Variants in OLFML1 observed in about 807,000 individuals in gnomAD.
OLFML1 encodes the protein olfactomedin-like protein 1.
OLFML1 carries 33 observed loss-of-function variants against 37.3 expected under a neutral mutation model. The ratio of observed to expected loss-of-function variants is 0.88; its 90% confidence interval spans 0.67 to 1.18. The LOEUF (loss-of-function observed/expected upper bound fraction) is 1.18. Ranked by LOEUF, OLFML1 falls within the 50% of genes most tolerant of loss-of-function variation. The pLI, the probability that OLFML1 is intolerant of heterozygous loss-of-function variation, is 0.00. For missense variants in OLFML1, 545 were observed against 483.7 expected, an observed-to-expected ratio of 1.13 and a Z score of -1.19; for synonymous variants, 186 against 181.3, an observed-to-expected ratio of 1.03 and a Z score of -0.21.
Position 7,510,278 on chromosome 11 carries a change from T to G in OLFML1, c.*90T>G. The G allele has an allele frequency of 1.0e-6, 1 of 1,000,160 alleles. No homozygotes were observed. Among genetic ancestry groups the G allele is most frequent in the Non-Finnish European group, 1.4e-6 (1 of 694,834 alleles). The allele number at this position is 1,000,160 out of a possible 1,614,324, so 62.0% of individuals were successfully genotyped here. On this transcript the variant is annotated 3_prime_UTR_variant, in exon 3 of 3. Coordinates refer to ENST00000329293, the MANE Select transcript of OLFML1 (RefSeq NM_198474.4). ...TAGCCCCTTCACAATATAGTATCCCTCTAATCACACACAGGAAGAGTGTGT... is the reference window on the plus strand; with the variant it reads ...TAGCCCCTTCACAATATAGTATCCCGCTAATCACACACAGGAAGAGTGTGT...
At chr11:7,502,989 G>A (rs1052252516) in intron 2 of OLFML1, among the ~76,000 whole-genome samples, 1 of 152,214 alleles carries the variant, frequency 6.6e-6, no homozygotes, top group African/African-American at 2.4e-5. Context: ...GGATTTCTAA[G>A]TAAGAAACTT....
chr11:7,495,671 C>G (rs1848653620), intron 2 of OLFML1, among the ~76,000 whole-genome samples: 1 of 152,148 alleles, frequency 6.6e-6, no homozygotes, highest in African/African-American at 2.4e-5. Context: ...AGTAGAGAAT[C>G]AATCTTTTCT....
At chr11:7,499,476 G>C (rs1848696775) in intron 2 of OLFML1, among the ~76,000 whole-genome samples, 1 of 152,168 alleles carries the variant, frequency 6.6e-6, no homozygotes, top group Non-Finnish European at 1.5e-5. Context: ...AACTCCAAAA[G>C]AAAAGGAATT....
chr11:7,509,672 A>G lies in OLFML1; in HGVS notation c.693A>G (p.Ala231=), dbSNP rs1848830374. The change falls in exon 3 of 3, where the codon GCA becomes GCG. Residue 231 remains alanine, a synonymous_variant. Transcript: ENST00000329293. The stretch of plus-strand genomic sequence containing the variant: ...GTTTTCTATTTTTTCATAACCAAGC[A>G]ACTTCTAATGAGATAATCAAATATA... The part of the protein sequence containing the change: ...YKGFLFFHNQ[A]TSNEIIKYNL... 1.9e-6 allele frequency: 3 copies of G among 1,614,250 alleles called. No homozygotes were observed. The highest frequency in any genetic ancestry group is 2.5e-6 in the Non-Finnish European group (3 of 1,180,050).
In OLFML1 at chr11:7,485,752, A is replaced by C; in HGVS notation, c.-124A>C. ...AAGCGGACTTTGCTCTCTGCTGTGC[A>C]AAACGCTGTTTTTAGAGGATTTGCC... On this transcript the variant is annotated 5_prime_UTR_variant, in exon 1 of 3. Transcript: ENST00000329293. 9.8e-7 allele frequency: 1 copy of C among 1,019,442 alleles called. No individual in the cohort carries two copies. The highest frequency in any genetic ancestry group is 1.6e-5 in the South Asian group (1 of 63,978). The allele number at this position is 1,019,442 out of a possible 1,614,324, so 63.1% of individuals were successfully genotyped here. A position where few individuals can be genotyped will look rare whatever the true frequency, so the allele number is the denominator to read the frequency against.
Position 7,509,656 on chromosome 11 carries a change from T to G in OLFML1, c.677T>G (p.Phe226Cys). Residue 226 changes from phenylalanine to cysteine, a missense_variant, in exon 3 of 3, where the codon TTT (phenylalanine) becomes TGT (cysteine). By Grantham distance (205) the Phe-to-Cys change is radical (BLOSUM62 -2). Transcript: ENST00000329293. ...CAAGTGATCTACAAAGGTTTTCTATTTTTTCATAACCAAGCAACTTCTAAT... is the reference window on the plus strand; with the variant it reads ...CAAGTGATCTACAAAGGTTTTCTATGTTTTCATAACCAAGCAACTTCTAAT... ...TGQVIYKGFLFFHNQATSNEI... is the reference protein window; with the variant it reads ...TGQVIYKGFLCFHNQATSNEI... 1 of 1,614,234 alleles carries G rather than the reference T, an allele frequency of 6.2e-7. No individual in the cohort carries two copies. The highest frequency in any genetic ancestry group is 1.3e-5 in the African/African-American group (1 of 75,062).
chr11:7,485,783 A>T lies in OLFML1; in HGVS notation c.-93A>T. ...CTGTTTTTAGAGGATTTGCCACAGC[A>T]GCGGATAGAGCAGGAGAGCACCACC... On this transcript the variant is annotated 5_prime_UTR_variant, in exon 1 of 3. Transcript: ENST00000329293. 7.7e-7 allele frequency: 1 copy of T among 1,297,904 alleles called. No individual in the cohort carries two copies. The highest frequency in any genetic ancestry group is 1.1e-6 in the Non-Finnish European group (1 of 928,120). The allele number at this position is 1,297,904 out of a possible 1,614,324, so 80.4% of individuals were successfully genotyped here.
chr11:7,496,226 G>C (rs995954427), intron 2 of OLFML1, among the ~76,000 whole-genome samples: 2 of 152,230 alleles, frequency 1.3e-5, no homozygotes, highest in African/African-American at 4.8e-5. Flanking sequence ...ATGTCTAAGA[G>C]AGAAAGCAGA....
chr11:7,511,115 C>T lies in OLFML1; in HGVS notation c.*927C>T, dbSNP rs1288959783. The T allele has an allele frequency of 1.3e-5, 2 of 152,256 alleles. 1 individual carries two copies. The highest frequency in any genetic ancestry group is 4.1e-4 in the South Asian group (2 of 4,830). 9.4% of individuals were successfully genotyped at this position (152,256 alleles called of 1,614,324 possible). On this transcript the variant is annotated 3_prime_UTR_variant, in exon 3 of 3. Coordinates refer to ENST00000329293, the MANE Select transcript of OLFML1 (RefSeq NM_198474.4). ...AAATACGTATGTTTGTTCACCTACT[C>T]TTATAGTCAATGCGTTCATCGTTTC...
intron 2 of OLFML1, among the ~76,000 whole-genome samples, chr11:7,507,721 G>A (rs765183008): frequency 2.0e-5 from 3 of 152,166 alleles, no homozygotes; most frequent in Admixed American, 6.5e-5. Flanking sequence ...GCTAATTTTT[G>A]TATTTTTAGC....
At chr11:7,492,998 T>C (rs1848617015) in intron 2 of OLFML1, among the ~76,000 whole-genome samples, 1 of 152,214 alleles carries the variant, frequency 6.6e-6, no homozygotes, top group African/African-American at 2.4e-5. Context: ...TGATACTCTT[T>C]GGAAGATTCC....
At chr11:7,509,354 T>C in intron 2 of OLFML1, 44 bp from the exon 3 acceptor site, 2 of 1,463,884 alleles carry the variant, frequency 1.4e-6, no homozygotes, top group East Asian at 4.5e-5. Flanking sequence ...AGCAGACAGC[T>C]CATGTTTATA....
intron 2 of OLFML1, among the ~76,000 whole-genome samples, chr11:7,506,413 A>T (rs1486935483): frequency 6.6e-6 from 1 of 152,174 alleles, no homozygotes; most frequent in Non-Finnish European, 1.5e-5. Context: ...AAAGTTTATA[A>T]GTGAGGAGAG....
At chr11:7,489,501 C>A (rs1848569697) in intron 2 of OLFML1, among the ~76,000 whole-genome samples, 1 of 151,722 alleles carries the variant, frequency 6.6e-6, no homozygotes, top group Non-Finnish European at 1.5e-5. Context: ...AGAGACCTTG[C>A]ATGCTAGATG....
intron 2 of OLFML1, among the ~76,000 whole-genome samples, chr11:7,496,242 A>T (rs903541045): frequency 2.0e-5 from 3 of 152,236 alleles, no homozygotes; most frequent in Middle Eastern, 3.2e-3. Context: ...GCAGAAGTAC[A>T]CAAGGTCCCT....
At chr11:7,506,738 T>A (rs1230951663) in intron 2 of OLFML1, among the ~76,000 whole-genome samples, 1 of 152,134 alleles carries the variant, frequency 6.6e-6, no homozygotes, top group East Asian at 1.9e-4. Flanking sequence ...GTGGATATGG[T>A]GGCATAACTA....
intron 2 of OLFML1, 149 bp downstream of exon 2, chr11:7,488,564 C>T (rs1848556415): frequency 1.6e-6 from 1 of 623,960 alleles, no homozygotes; most frequent in African/African-American, 1.8e-5. Context: ...GAAAGCTATA[C>T]AGAGAACAGG....
At chr11:7,503,278 T>C (rs1564922094) in intron 2 of OLFML1, among the ~76,000 whole-genome samples, 1 of 151,656 alleles carries the variant, frequency 6.6e-6, no homozygotes, top group Non-Finnish European at 1.5e-5. Context: ...GGCCTGAGGA[T>C]AAGAGTATTT....
At chr11:7,489,963 G>A (rs974127961) in intron 2 of OLFML1, among the ~76,000 whole-genome samples, 6 of 152,074 alleles carry the variant, frequency 3.9e-5, no homozygotes, top group African/African-American at 1.5e-4. Context: ...TGTAATGTCA[G>A]CTCTATGAGA....
Sources: allele counts gnomAD v4.1 joint callset (sites outside exome capture counted in the v4.1 genomes callset), GRCh38; gene constraint gnomAD v4.1.1; transcripts MANE v1.5; gene names NCBI Gene and HGNC (gene_info 2026-07-23, HGNC 2026-07-21).